Variants in FAM32A observed in about 807,000 individuals in gnomAD.
The protein encoded by FAM32A is protein FAM32A.
A neutral mutation model predicts 15.8 loss-of-function variants in FAM32A; 9 were observed. The observed-to-expected ratio is 0.57, with a 90% CI of 0.34 to 1.00. FAM32A has a LOEUF of 1.00. FAM32A is among the 50% of genes least tolerant of loss of function. The pLI, the probability that FAM32A is intolerant of heterozygous loss-of-function variation, is 0.02. For missense variants in FAM32A, 113 were observed against 138.3 expected, an observed-to-expected ratio of 0.82 and a Z score of 0.92; for synonymous variants, 64 against 54.9, an observed-to-expected ratio of 1.16 and a Z score of -0.73.
At chr19:16,190,637 A>G (rs541459943) in intron 3 of FAM32A, 64 bp downstream of exon 3, 20 of 1,300,448 alleles carry the variant, frequency 1.5e-5, no homozygotes, top group South Asian at 1.4e-4. Flanking sequence ...CCCAGAGGCT[A>G]TCAGCTGGCA....
intron 2 of FAM32A, among the ~76,000 whole-genome samples, chr19:16,187,819 C>T (rs1308521091): frequency 6.6e-6 from 1 of 150,684 alleles, no homozygotes; most frequent in Admixed American, 6.7e-5. Flanking sequence ...GATCTCAGCT[C>T]ACTGCAACCT....
Position 16,185,494 on chromosome 19 carries a change from G to A in FAM32A, c.52G>A (p.Ala18Thr), listed in dbSNP as rs867661606. 1.3e-5 allele frequency: 20 copies of A among 1,564,618 alleles called. No homozygotes were observed. The East Asian group carries it at 4.7e-4, about 37-fold the overall frequency. Residue 18 changes from alanine (A) to threonine (T), a missense_variant, in exon 1 of 4, where the codon GCA (alanine) becomes ACA (threonine). Ala to Thr is a moderately conservative substitution (Grantham distance 58, BLOSUM62 0). This residue lies in a region of FAM32A where 112 missense variants were observed against 118.6 expected (regional missense o/e 0.94). Coordinates refer to ENST00000263384, the MANE Select transcript of FAM32A (RefSeq NM_014077.4). ...GGGACCCCTGAAGCTGAAAGGCGTC[G>A]CAGAGCTGGGAGTGACCAAGCGGTG... ...QKGPLKLKGV[A>T]ELGVTKRKKK...
intron 2 of FAM32A, chr19:16,186,133 A>C: frequency 4.0e-6 from 1 of 250,222 alleles, no homozygotes; most frequent in East Asian, 7.6e-5. Flanking sequence ...CAGGGTAGTA[A>C]CTTATTCTAA....
rs771943431 is a variant in FAM32A at position 16,185,480 on chromosome 19, A to G, written c.38A>G (p.Lys13Arg). 6.4e-7 allele frequency: 1 copy of G among 1,564,146 alleles called. No individual in the cohort carries two copies. Among genetic ancestry groups the G allele is most frequent in the South Asian group, 1.2e-5 (1 of 84,910 alleles). Residue 13 changes from lysine (K) to arginine (R), a missense_variant, in exon 1 of 4, where the codon AAG (lysine) becomes AGG (arginine). Lys to Arg is a conservative substitution (Grantham distance 26). Around this residue, in one of 2 missense-constraint regions of FAM32A, gnomAD observed 112 missense variants for 118.6 expected, o/e 0.94. Coordinates refer to ENST00000263384, the MANE Select transcript of FAM32A (RefSeq NM_014077.4). ...AYEQVQKGPLKLKGVAELGVT... is the reference protein window; with the variant it reads ...AYEQVQKGPLRLKGVAELGVT... ...GAGCAGGTCCAAAAGGGACCCCTGA[A>G]GCTGAAAGGCGTCGCAGAGCTGGGA...
At chr19:16,190,853 G>T in intron 3 of FAM32A, 34 bp from the exon 4 acceptor site, 1 of 1,590,842 alleles carries the variant, frequency 6.3e-7, no homozygotes, top group South Asian at 1.1e-5. Flanking sequence ...ACTTGGGTCT[G>T]CGCTGACACC....
intron 2 of FAM32A, 88 bp downstream of exon 2, chr19:16,185,853 G>C (rs2091383881): frequency 1.4e-6 from 2 of 1,420,560 alleles, no homozygotes; most frequent in African/African-American, 2.9e-5. Flanking sequence ...CGCTCCGAGG[G>C]CAGGGGAGCG....
rs1196557094 is a variant in FAM32A, at chr19:16,191,137, G to A, written c.*182G>A. ...ACTTGATTAAAGTAAGATCGTCCTT[G>A]TACTCAGTTTAGGCTTCTTGGCAAC... On this transcript the variant is annotated 3_prime_UTR_variant, in exon 4 of 4. Coordinates refer to ENST00000263384, the MANE Select transcript of FAM32A (RefSeq NM_014077.4). The A allele has an allele frequency of 3.2e-6, 2 of 619,000 alleles. No homozygotes were observed. Among genetic ancestry groups the A allele is most frequent in the Non-Finnish European group, 5.9e-6 (2 of 341,194 alleles). The allele number at this position is 619,000 out of a possible 1,614,324, so 38.3% of individuals were successfully genotyped here.
chr19:16,190,534 C>A lies in FAM32A; in HGVS notation c.231C>A (p.Ile77=). The A allele has an allele frequency of 1.9e-6, 3 of 1,612,294 alleles. No homozygotes were observed. Among genetic ancestry groups the A allele is most frequent in the Non-Finnish European group, 2.5e-6 (3 of 1,178,910 alleles). ...TCTCTCTCCAGCAAATGGAAAGGAT[C>A]CTAAAGAAGGCATCCAAAACCCACA... ...KMQEKRQMER[I]LKKASKTHKQ... is the part of the protein sequence containing the mutation. Residue 77 remains isoleucine, a synonymous_variant, in exon 3 of 4, where the codon ATC becomes ATA. Coordinates refer to ENST00000263384, the MANE Select transcript of FAM32A (RefSeq NM_014077.4).
At chr19:16,188,088 C>G (rs1476322507) in intron 2 of FAM32A, among the ~76,000 whole-genome samples, 1 of 152,170 alleles carries the variant, frequency 6.6e-6, no homozygotes, top group East Asian at 1.9e-4. Context: ...AGGTTGTAGT[C>G]AGAGGCAGGG....
In FAM32A at chr19:16,185,429, C is replaced by G. The variant is rs1181658662; in HGVS notation, c.-14C>G. 1 of 1,551,752 alleles carries G rather than the reference C, an allele frequency of 6.4e-7. No individual in the cohort carries two copies. The highest frequency in any genetic ancestry group is 1.4e-5 in the African/African-American group (1 of 73,272). On this transcript the variant is annotated 5_prime_UTR_variant, in exon 1 of 4. Coordinates refer to ENST00000263384, the MANE Select transcript of FAM32A (RefSeq NM_014077.4). The stretch of plus-strand genomic sequence containing the variant: ...AAGTGTGGCACTCCAGCTACCGAAG[C>G]ACTGGAGAGTGTCATGGAGGCCTAC...
At chr19:16,185,566 T>A (rs1408835748) in intron 1 of FAM32A, 50 bp downstream of exon 1, 2 of 1,581,692 alleles carry the variant, frequency 1.3e-6, no homozygotes, top group Non-Finnish European at 8.6e-7. Context: ...CTTAGACCTT[T>A]TCTCGGGACC....
chr19:16,190,454 C>G (rs775712758), intron 2 of FAM32A, 66 bp from the exon 3 acceptor site: 68 of 1,168,218 alleles, frequency 5.8e-5, no homozygotes, highest in Non-Finnish European at 7.9e-5. Context: ...GCTCCATCTT[C>G]CACCCCATGC....
At chr19:16,190,165 CTT>C (rs1325917255) in intron 2 of FAM32A, among the ~76,000 whole-genome samples, 1 of 152,192 alleles carries the variant, frequency 6.6e-6, no homozygotes, top group Admixed American at 6.5e-5. Context: ...TTACCTCTCT[CTT>C]TCTCATCATT....
At chr19:16,190,841 C>A in intron 3 of FAM32A, 46 bp from the exon 4 acceptor site, 1 of 1,512,506 alleles carries the variant, frequency 6.6e-7, no homozygotes, top group South Asian at 1.1e-5. Flanking sequence ...CCCCAGTACC[C>A]CACTTGGGTC....
rs148684281 is a variant in FAM32A, at chr19:16,189,867, T to C, written c.217-653T>C. ...ATTTTCTTGTAGAGTTGGGGTCTCC[T>C]TATGTTGCCCAGGCTAGTCTTGAAC... On this transcript the variant is annotated intron_variant, in intron 2 of 3. Coordinates refer to ENST00000263384, the MANE Select transcript of FAM32A (RefSeq NM_014077.4). Among the ~76,000 whole-genome samples, 26 of 151,552 alleles carry C rather than the reference T, an allele frequency of 1.7e-4. No homozygotes were observed. In the East Asian group the frequency reaches 4.9e-3, roughly 28 times the overall value.
In FAM32A at chr19:16,185,510, C is replaced by A. The variant is rs2091381363; in HGVS notation, c.68C>A (p.Thr23Asn). 1.3e-6 allele frequency: 2 copies of A among 1,565,916 alleles called. No individual in the cohort carries two copies. The highest frequency in any genetic ancestry group is 2.7e-5 in the African/African-American group (2 of 73,794). Residue 23 changes from threonine to asparagine, a missense_variant, in exon 1 of 4, where the codon ACC becomes AAC. Thr to Asn is a moderately conservative substitution (Grantham distance 65). Transcript: ENST00000263384. Reference sequence around the variant, plus strand: ...AAAGGCGTCGCAGAGCTGGGAGTGACCAAGCGGTGAGGCCCGAGGGCCCGC... The same window carrying A: ...AAAGGCGTCGCAGAGCTGGGAGTGAACAAGCGGTGAGGCCCGAGGGCCCGC... ...KLKGVAELGV[T>N]KRKKKKKDKD...
chr19:16,190,971 A>G lies in FAM32A; in HGVS notation c.*16A>G. ...GACGAAGTAGCCGCCTGCCCCCAGT[A>G]TGGAGCAGCATCGAGGGTTCGCAAA... On this transcript the variant is annotated 3_prime_UTR_variant, in exon 4 of 4. Transcript: ENST00000263384. 1 of 1,608,470 alleles carries G rather than the reference A, an allele frequency of 6.2e-7. No individual in the cohort carries two copies. Among genetic ancestry groups the G allele is most frequent in the South Asian group, 1.1e-5 (1 of 90,980 alleles).
At position 16,191,789 on chromosome 19, in the gene FAM32A, A is replaced by G. The variant is rs189432966; in HGVS notation, c.*834A>G. ...ACCTTACGGACGTCTCAGGGGTGAC[A>G]GGACCAGGGCAGAGCCCCGGTACAA... On this transcript the variant is annotated 3_prime_UTR_variant, in exon 4 of 4. Transcript: ENST00000263384. 4.0e-3 allele frequency: 612 copies of G among 152,340 alleles called. 7 individuals carry two copies. The highest frequency in any genetic ancestry group is 0.013 in the African/African-American group (537 of 41,540). 9.4% of individuals were successfully genotyped at this position (152,340 alleles called of 1,614,324 possible).
In FAM32A at chr19:16,185,463, C is replaced by T; in HGVS notation, c.21C>T (p.Val7=). 1 of 1,560,588 alleles carries T rather than the reference C, an allele frequency of 6.4e-7. No homozygotes were observed. Among genetic ancestry groups the T allele is most frequent in the South Asian group, 1.2e-5 (1 of 84,674 alleles). The change falls in exon 1 of 4, where the codon GTC becomes GTT. Residue 7 remains valine (V), a synonymous_variant. Transcript: ENST00000263384. ...GTGTCATGGAGGCCTACGAGCAGGT[C>T]CAAAAGGGACCCCTGAAGCTGAAAG... MEAYEQ[V]QKGPLKLKGV...
Sources: gnomAD v4.1 joint callset for allele counts (sites outside exome capture counted in the v4.1 genomes callset) on GRCh38, gnomAD v4.1.1 for gene constraint, gnomAD v4.1.1 regional missense constraint, MANE v1.5 for transcripts, NCBI Gene and HGNC (gene_info 2026-07-23, HGNC 2026-07-21) for gene names.